Variants in DENND4A observed in about 807,000 individuals in gnomAD.
DENND4A encodes the protein C-myc promoter-binding protein.
In DENND4A, 70 loss-of-function variants were observed where a neutral mutation model predicts 199.3. The observed-to-expected ratio is 0.35, with a 90% CI of 0.29 to 0.43. The LOEUF is 0.43. Among genes scored for constraint, DENND4A ranks in the 20% least tolerant of loss-of-function variants. The probability of loss-of-function intolerance (pLI) is 1.00; values close to 1 mark genes in which losing one functional copy is unlikely to be tolerated. For synonymous variants in DENND4A, 686 were observed against 766.9 expected (o/e 0.89, Z 1.74); for missense variants, 1,723 against 2,255.8 (o/e 0.76, Z 4.78).
intron 23 of DENND4A, among the ~76,000 whole-genome samples, chr15:65,689,155 T>C (rs757225078): frequency 1.8e-3 from 267 of 152,346 alleles, no homozygotes; most frequent in Non-Finnish European, 2.6e-3. Flanking sequence ...TTTTCAGTTC[T>C]AAAATTTAGG....
chr15:65,736,324 T>C (rs1348695243), intron 7 of DENND4A, among the ~76,000 whole-genome samples: 1 of 152,118 alleles, frequency 6.6e-6, no homozygotes, highest in Non-Finnish European at 1.5e-5. Context: ...AGTGGCATGA[T>C]CTTGGCTCAC....
At chr15:65,782,385 C>G (rs976674412) in intron 1 of DENND4A, among the ~76,000 whole-genome samples, 1 of 152,174 alleles carries the variant, frequency 6.6e-6, no homozygotes, top group African/African-American at 2.4e-5. Context: ...CTCTAAGGAC[C>G]CTCTTTCGTT....
chr15:65,698,278 A>T (rs2077220869), intron 20 of DENND4A, among the ~76,000 whole-genome samples: 1 of 152,012 alleles, frequency 6.6e-6, no homozygotes, highest in Non-Finnish European at 1.5e-5. Context: ...CAAAGAATGG[A>T]AAAAGGTCTA....
chr15:65,706,189 T>C lies in DENND4A; in HGVS notation c.1989A>G (p.Ile663Met). 1 of 1,597,522 alleles carries C rather than the reference T, an allele frequency of 6.3e-7. No homozygotes were observed. The change falls in exon 15 of 33, where the codon ATA (isoleucine) becomes ATG (methionine). Residue 663 changes from isoleucine to methionine, a missense_variant. By Grantham distance (10) the Ile-to-Met change is conservative. Transcript: ENST00000443035. ...CACTTTTGAAAGATTCATCCAGTTC[T>C]ATAAGTCGTACTTCACCGCTCTTGT... is the stretch of plus-strand genomic sequence containing the variant. Reference protein sequence around the residue: ...DMDKSGEVRLIELDESFKSEH... With the variant: ...DMDKSGEVRLMELDESFKSEH...
At chr15:65,672,011 A>G (rs2076233744) in intron 24 of DENND4A, 125 bp from the exon 25 acceptor site, 1 of 649,780 alleles carries the variant, frequency 1.5e-6, no homozygotes, top group Non-Finnish European at 2.7e-6. Flanking sequence ...TATTAAAACT[A>G]ATTAGGAAAA....
In DENND4A at chr15:65,756,421, A is replaced by G. The variant is rs769884059; in HGVS notation, c.30T>C (p.Ala10=). The G allele has an allele frequency of 3.1e-6, 5 of 1,612,120 alleles. No homozygotes were observed. In the South Asian group the frequency reaches 4.4e-5, roughly 14 times the overall value. Residue 10 remains alanine, a synonymous_variant, in exon 3 of 33, where the codon GCT becomes GCC. Transcript: ENST00000443035. MIEDKGPRV[A]DYFVVAGLTD... is the part of the protein sequence containing the mutation. ...TTAATCCTGCTACAACAAAGTAGTC[A>G]GCAACACGAGGCCCCTTGTCTTCAA...
intron 23 of DENND4A, among the ~76,000 whole-genome samples, chr15:65,681,927 T>G (rs1025286000): frequency 1.3e-5 from 2 of 152,198 alleles, no homozygotes; most frequent in African/African-American, 2.4e-5. Context: ...CAGTAATATT[T>G]TGAAATAAAT....
intron 22 of DENND4A, among the ~76,000 whole-genome samples, chr15:65,695,006 G>C (rs899439225): frequency 6.6e-6 from 1 of 152,128 alleles, no homozygotes; most frequent in African/African-American, 2.4e-5. Flanking sequence ...ATAAAATAAA[G>C]ATCAAAGGCA....
At chr15:65,741,938 T>C (rs1200882772) in intron 4 of DENND4A, among the ~76,000 whole-genome samples, 154 bp from the exon 5 acceptor site, 2 of 152,220 alleles carry the variant, frequency 1.3e-5, no homozygotes, top group Non-Finnish European at 2.9e-5. Context: ...TGTCAATATT[T>C]TATTGGAATC....
At chr15:65,722,989 C>A in intron 11 of DENND4A, 41 bp from the exon 12 acceptor site, 1 of 1,489,442 alleles carries the variant, frequency 6.7e-7, no homozygotes, top group South Asian at 1.3e-5. Flanking sequence ...GTTACATGGT[C>A]TTTTGGAGGG....
intron 1 of DENND4A, among the ~76,000 whole-genome samples, chr15:65,764,116 T>C (rs1284114776): frequency 1.3e-5 from 2 of 152,212 alleles, no homozygotes; most frequent in Non-Finnish European, 2.9e-5. Flanking sequence ...CAATTTCAAA[T>C]ACATTTTCTG....
rs71447857 is a variant in DENND4A at position 65,721,593 on chromosome 15, T to TAA, written c.1588+1253_1588+1254dup. Among the ~76,000 whole-genome samples, 44 of 131,566 alleles carry TAA rather than the reference T, an allele frequency of 3.3e-4. 1 individual carries two copies. In the South Asian group the frequency reaches 3.4e-3, roughly 10 times the overall value. The allele number at this position is 131,566 out of a possible 152,430, so 86.3% of individuals were successfully genotyped here. A position where few individuals can be genotyped will look rare whatever the true frequency, so the allele number is the denominator to read the frequency against. On this transcript the variant is annotated intron_variant, in intron 12 of 32. Coordinates refer to ENST00000443035, the MANE Select transcript of DENND4A (RefSeq NM_001320835.1). ...TAAAGATAGCTTTAATGACTCCACT[T>TAA]AAAAAAAAAAAAAAAAAAGAAAGAG... is the stretch of plus-strand genomic sequence containing the variant.
chr15:65,779,668 G>C (rs113121337), intron 1 of DENND4A, among the ~76,000 whole-genome samples: 18 of 151,250 alleles, frequency 1.2e-4, no homozygotes, highest in Non-Finnish European at 2.7e-4. Flanking sequence ...GTTTGTTTTC[G>C]AGAAAGAGTC....
At chr15:65,708,635 A>G (rs995936203) in intron 14 of DENND4A, among the ~76,000 whole-genome samples, 2 of 151,968 alleles carry the variant, frequency 1.3e-5, no homozygotes, top group African/African-American at 4.8e-5. Flanking sequence ...CTCTATCGAG[A>G]GAAAAAGAAA....
rs1433202480 is a variant in DENND4A at position 65,706,229 on chromosome 15, A to G, written c.1954-5T>C. On this transcript the variant is annotated splice_polypyrimidine_tract_variant and splice_region_variant and intron_variant, in intron 14 of 32. Transcript: ENST00000443035. ...ACCGCTCTTGTCCATATCCACCTAA[A>G]GGAGTTTTAAAAACATATATTAAAA... is the stretch of plus-strand genomic sequence containing the variant. 2.6e-6 allele frequency: 4 copies of G among 1,520,276 alleles called. No individual in the cohort carries two copies. Among genetic ancestry groups the G allele is most frequent in the Non-Finnish European group, 3.5e-6 (4 of 1,135,428 alleles). 94.2% of individuals were successfully genotyped at this position (1,520,276 alleles called of 1,614,324 possible).
intron 4 of DENND4A, among the ~76,000 whole-genome samples, chr15:65,745,867 C>T (rs2076373571): frequency 6.6e-6 from 1 of 151,962 alleles, no homozygotes; most frequent in Non-Finnish European, 1.5e-5. Flanking sequence ...GGCATGGTGG[C>T]TCATGCCTGT....
chr15:65,700,937 TAAAACTA>T, intron 19 of DENND4A, 107 bp downstream of exon 19: 2 of 1,265,886 alleles, frequency 1.6e-6, no homozygotes, highest in Non-Finnish European at 2.1e-6. Flanking sequence ...ATTTGCTTAA[TAAAACTA>T]AAAACTAAAA....
intron 1 of DENND4A, among the ~76,000 whole-genome samples, chr15:65,780,465 C>G (rs2077408923): frequency 6.6e-6 from 1 of 152,194 alleles, no homozygotes; most frequent in Admixed American, 6.5e-5. Flanking sequence ...TACTAATCAT[C>G]ATCAACACCA....
intron 23 of DENND4A, among the ~76,000 whole-genome samples, chr15:65,682,466 AAG>A (rs2076612485): frequency 6.6e-6 from 1 of 152,182 alleles, no homozygotes; most frequent in Admixed American, 6.5e-5. Flanking sequence ...CATAAAACTG[AAG>A]AGAGTTAGTT....
Sources: gnomAD v4.1 joint callset for allele counts (sites outside exome capture counted in the v4.1 genomes callset) on GRCh38, gnomAD v4.1.1 for gene constraint, MANE v1.5 for transcripts, NCBI Gene and HGNC (gene_info 2026-07-23, HGNC 2026-07-21) for gene names.